Variants in ARHGAP32 observed in about 807,000 individuals in gnomAD.
ARHGAP32 encodes Rho GTPase activating protein 32, also known as rho GTPase-activating protein 32.
A neutral mutation model predicts 186.5 loss-of-function variants in ARHGAP32; 51 were observed. That is an observed-to-expected ratio of 0.27 (90% CI 0.22 to 0.35). ARHGAP32 has a LOEUF of 0.35. Ranked by LOEUF, ARHGAP32 falls within the 10% of genes least tolerant of loss-of-function variation. The pLI is 1.00. For missense variants in ARHGAP32, 2,186 were observed against 2,623.5 expected (o/e 0.83, Z 3.64); for synonymous variants, 950 against 964.3 (o/e 0.99, Z 0.27).
intron 6 of ARHGAP32, among the ~76,000 whole-genome samples, chr11:129,092,590 A>C (rs1403945951): frequency 1.3e-5 from 2 of 151,988 alleles, no homozygotes; most frequent in East Asian, 3.9e-4. Flanking sequence ...ACAATACGTG[A>C]ATTTGGCCAT....
intron 1 of ARHGAP32, among the ~76,000 whole-genome samples, chr11:129,174,534 ATG>A (rs1287721283): frequency 6.6e-6 from 1 of 152,214 alleles, no homozygotes; most frequent in East Asian, 1.9e-4. Flanking sequence ...GCAGACTTAA[ATG>A]TCCCTGTCTG....
At chr11:129,182,783 A>G (rs879081619) in intron 1 of ARHGAP32, among the ~76,000 whole-genome samples, 2 of 151,818 alleles carry the variant, frequency 1.3e-5, no homozygotes, top group Admixed American at 1.3e-4. Flanking sequence ...ACCTGGGACT[A>G]CAGGCAGGTA....
At position 129,267,593 on chromosome 11, in the gene ARHGAP32, G is replaced by T. The variant is rs148325351; in HGVS notation, c.-5+11553C>A. Among the ~76,000 whole-genome samples, 1,431 of 152,250 alleles carry T rather than the reference G, an allele frequency of 9.4e-3. 18 individuals are homozygous for T. The highest frequency in any genetic ancestry group is 0.027 in the Middle Eastern group (8 of 294). On this transcript the variant is annotated intron_variant, in intron 1 of 6. Transcript: ENST00000525234. ...GAATTCTCTGTTTGACTCTGATCTA[G>T]GTTACTATGGAGTTTTATTTGATAA...
At chr11:129,117,580 A>T (rs1442193542) in intron 5 of ARHGAP32, among the ~76,000 whole-genome samples, 2 of 151,996 alleles carry the variant, frequency 1.3e-5, no homozygotes, top group African/African-American at 2.4e-5. Flanking sequence ...GCTTGCATAT[A>T]GAAAGCTCGA....
chr11:128,994,030 G>T (rs1029844971), intron 12 of ARHGAP32, among the ~76,000 whole-genome samples: 6 of 152,122 alleles, frequency 3.9e-5, no homozygotes, highest in Non-Finnish European at 7.3e-5. Context: ...AATAGCCTCT[G>T]TCCTCCCCTA....
chr11:129,161,226 T>C (rs1943523597), intron 2 of ARHGAP32, among the ~76,000 whole-genome samples: 1 of 151,972 alleles, frequency 6.6e-6, no homozygotes, highest in African/African-American at 2.4e-5. Context: ...GGCAATACCA[T>C]TCAGGACATA....
rs904646724 is a variant in ARHGAP32 at position 129,129,500 on chromosome 11, C to A, written c.226-4606G>T. On this transcript the variant is annotated intron_variant, in intron 2 of 22. Transcript: ENST00000682385. ...GCCGCCCCGTCTGGGAAGTGAGGAG[C>A]CCCTCTGCCCGGCCGCCACCTGTCT... Among the ~76,000 whole-genome samples, 17 of 151,922 alleles carry A rather than the reference C, an allele frequency of 1.1e-4. No individual in the cohort carries two copies. The East Asian group carries it at 3.1e-3, about 28-fold the overall frequency.
At chr11:129,244,993 T>C (rs1423763750) in intron 1 of ARHGAP32, among the ~76,000 whole-genome samples, 5 of 151,942 alleles carry the variant, frequency 3.3e-5, no homozygotes, top group Non-Finnish European at 7.4e-5. Context: ...ACTTTTACAC[T>C]GTTGCTGGGA....
Position 128,978,709 on chromosome 11 carries a change from G to C in ARHGAP32, c.2122+61C>G. 7.9e-6 allele frequency: 12 copies of C among 1,525,774 alleles called. No homozygotes were observed. In the South Asian group the frequency reaches 1.4e-4, roughly 18 times the overall value. The allele number at this position is 1,525,774 out of a possible 1,614,324, so 94.5% of individuals were successfully genotyped here. ...GATCATAACAATATGTGAAGAACGTGCCCAGAACAACCGAAGACCATCATG... is the reference window on the plus strand; with the variant it reads ...GATCATAACAATATGTGAAGAACGTCCCCAGAACAACCGAAGACCATCATG... On this transcript the variant is annotated intron_variant, in intron 19 of 22. Coordinates refer to ENST00000682385, the MANE Select transcript of ARHGAP32 (RefSeq NM_001378024.1).
At chr11:128,994,171 T>G (rs1946138287) in intron 12 of ARHGAP32, among the ~76,000 whole-genome samples, 1 of 152,102 alleles carries the variant, frequency 6.6e-6, no homozygotes, top group Non-Finnish European at 1.5e-5. Flanking sequence ...CTTTTTTTTT[T>G]GAGATGGAGT....
At chr11:129,074,274 C>CAT (rs59396775) in intron 6 of ARHGAP32, among the ~76,000 whole-genome samples, 110,462 of 151,684 alleles carry the variant, frequency 0.73, 40,709 homozygotes, top group South Asian at 0.83. Flanking sequence ...GTGTGTTTTA[C>CAT]ATATATATGT....
chr11:129,065,897 G>A (rs1182381737), intron 7 of ARHGAP32, among the ~76,000 whole-genome samples: 1 of 151,996 alleles, frequency 6.6e-6, no homozygotes, highest in African/African-American at 2.4e-5. Context: ...TAAATGACTT[G>A]GCTTGATCAT....
At chr11:129,245,802 C>G (rs181571142) in intron 1 of ARHGAP32, among the ~76,000 whole-genome samples, 1 of 151,786 alleles carries the variant, frequency 6.6e-6, no homozygotes, top group Non-Finnish European at 1.5e-5. Flanking sequence ...ATGCATAATT[C>G]ATTGTGTTAA....
At chr11:128,982,877 T>C (rs573765922) in intron 15 of ARHGAP32, among the ~76,000 whole-genome samples, 2 of 112,050 alleles carry the variant, frequency 1.8e-5, no homozygotes, top group Non-Finnish European at 3.4e-5. Context: ...GGTGACAGAG[T>C]GAGACCTTGT....
At chr11:129,000,557 A>C (rs1946328718) in intron 11 of ARHGAP32, among the ~76,000 whole-genome samples, 1 of 152,208 alleles carries the variant, frequency 6.6e-6, no homozygotes, top group African/African-American at 2.4e-5. Flanking sequence ...TGCAATGTGT[A>C]ATAATCACAC....
chr11:129,259,893 T>G (rs912274744), intron 1 of ARHGAP32, among the ~76,000 whole-genome samples: 2 of 152,210 alleles, frequency 1.3e-5, no homozygotes, highest in African/African-American at 4.8e-5. Flanking sequence ...TTTGTTTTTT[T>G]GTTTTTCTGG....
intron 1 of ARHGAP32, among the ~76,000 whole-genome samples, chr11:129,223,769 G>A (rs77306039): frequency 0.023 from 3,563 of 152,244 alleles, 134 homozygotes; most frequent in African/African-American, 0.076. Context: ...GAGCCAAAGA[G>A]ATTTCTACAT....
At chr11:129,228,561 C>T (rs1164020082) in intron 1 of ARHGAP32, among the ~76,000 whole-genome samples, 1 of 152,114 alleles carries the variant, frequency 6.6e-6, no homozygotes, top group East Asian at 1.9e-4. Context: ...TTTGCAGGGA[C>T]ATAGATGGAG....
At chr11:129,119,000 T>C (rs925729305) in intron 5 of ARHGAP32, among the ~76,000 whole-genome samples, 1 of 152,068 alleles carries the variant, frequency 6.6e-6, no homozygotes, top group Non-Finnish European at 1.5e-5. Flanking sequence ...TTTACAGATA[T>C]TAATAGCTTA....
Sources: gnomAD v4.1 joint callset for allele counts (sites outside exome capture counted in the v4.1 genomes callset) on GRCh38, gnomAD v4.1.1 for gene constraint, MANE v1.5 for transcripts, NCBI Gene and HGNC (gene_info 2026-07-23, HGNC 2026-07-21) for gene names.